ABR: variants seen among roughly 807,000 people sequenced by gnomAD.
ABR encodes active breakpoint cluster region-related protein.
ABR carries 35 observed loss-of-function variants against 107.2 expected under a neutral mutation model. That is an observed-to-expected ratio of 0.33 (90% CI 0.25 to 0.43). The LOEUF is 0.43. Among genes scored for constraint, ABR ranks in the 20% least tolerant of loss-of-function variants. The probability of loss-of-function intolerance (pLI) is 1.00; values close to 1 mark genes in which losing one functional copy is unlikely to be tolerated. For missense variants in ABR, 815 were observed against 1,115.2 expected, an observed-to-expected ratio of 0.73 and a Z score of 3.83; for synonymous variants, 498 against 462.0, an observed-to-expected ratio of 1.08 and a Z score of -1.00.
upstream of ABR, among the ~76,000 whole-genome samples, chr17:1,183,795 A>C (rs2042209397): frequency 6.6e-6 from 1 of 152,154 alleles, no homozygotes; most frequent in Admixed American, 6.6e-5. Flanking sequence ...GCAGAGGCTG[A>C]ATACACAGTG....
At chr17:1,174,254 T>C (rs923957836) in intron 1 of ABR, among the ~76,000 whole-genome samples, 1 of 152,166 alleles carries the variant, frequency 6.6e-6, no homozygotes, top group African/African-American at 2.4e-5. Flanking sequence ...GCCCCACCTC[T>C]GAGACTCCAG....
In ABR at chr17:1,031,533, AGCC is replaced by A. The variant is rs1242498689; in HGVS notation, c.1792-18372_1792-18370del. ...CCCCATCAGCCCCCGCAGCCCCCGC[AGCC>A]CCCCGAGCCCCGCAGCGCCCCCGAG... On this transcript the variant is annotated intron_variant, in intron 16 of 22. Coordinates refer to ENST00000302538, the MANE Select transcript of ABR (RefSeq NM_021962.5). 63 of 93,648 alleles carry A rather than the reference AGCC, an allele frequency of 6.7e-4. 2 individuals are homozygous for A. The highest frequency in any genetic ancestry group is 1.3e-3 in the Non-Finnish European group (60 of 46,720). 5.8% of individuals were successfully genotyped at this position (93,648 alleles called of 1,614,324 possible). A position where few individuals can be genotyped will look rare whatever the true frequency, so the allele number is the denominator to read the frequency against.
At chr17:1,009,989 G>A in intron 20 of ABR, 1 of 600,860 alleles carries the variant, frequency 1.7e-6, no homozygotes. Flanking sequence ...TGGTAACTCA[G>A]CCAGGAGGCC....
intron 4 of ABR, among the ~76,000 whole-genome samples, chr17:1,086,483 A>G (rs1284679386): frequency 6.6e-6 from 1 of 151,846 alleles, no homozygotes; most frequent in African/African-American, 2.4e-5. Flanking sequence ...AAAATATGAT[A>G]TATGTGTATA....
chr17:1,206,794 C>T (rs940245353), intron 1 of ABR, among the ~76,000 whole-genome samples: 1 of 152,014 alleles, frequency 6.6e-6, no homozygotes, highest in African/African-American at 2.4e-5. Context: ...CAAAAACATA[C>T]AAAAATTAGG....
chr17:1,055,773 C>T (rs935082079), intron 14 of ABR: 10 of 418,358 alleles, frequency 2.4e-5, no homozygotes, highest in Middle Eastern at 6.6e-4. Flanking sequence ...GTGATCCGCC[C>T]GCCTGGGCCT....
At chr17:1,175,617 C>A (rs1656523425) in intron 1 of ABR, among the ~76,000 whole-genome samples, 1 of 152,180 alleles carries the variant, frequency 6.6e-6, no homozygotes. Flanking sequence ...CAGCTGGGAT[C>A]CAACTCTTCT....
At chr17:1,152,822 G>A (rs35177670) in intron 1 of ABR, among the ~76,000 whole-genome samples, 6 of 152,080 alleles carry the variant, frequency 3.9e-5, no homozygotes, top group African/African-American at 9.7e-5. Flanking sequence ...GGCCGGGCGC[G>A]GTGGGTCATG....
rs115563494 is a variant in ABR at position 1,054,232 on chromosome 17, A to G, written c.1561+1803T>C. 5.3e-3 allele frequency among the ~76,000 whole-genome samples: 810 copies of G among 152,324 alleles called. 7 individuals are homozygous for G. Among genetic ancestry groups the G allele is most frequent in the African/African-American group, 0.018 (766 of 41,584 alleles). Reference sequence around the variant, plus strand: ...TCTGAACACGCCACAGGCTTTGCACATGTGAGTACGTCCACACGCCAGCCA... The same window carrying G: ...TCTGAACACGCCACAGGCTTTGCACGTGTGAGTACGTCCACACGCCAGCCA... On this transcript the variant is annotated intron_variant, in intron 14 of 22. Transcript: ENST00000302538.
chr17:1,108,933 C>T, intron 2 of ABR: 2 of 1,591,726 alleles, frequency 1.3e-6, no homozygotes, highest in Non-Finnish European at 1.7e-6. Flanking sequence ...CACGCTCCCA[C>T]CTTCACAGCC....
chr17:1,099,771 A>T (rs1197470650), intron 3 of ABR, among the ~76,000 whole-genome samples: 1 of 152,132 alleles, frequency 6.6e-6, no homozygotes, highest in Non-Finnish European at 1.5e-5. Context: ...TGGGAGGGGA[A>T]CTGAGGCATG....
intron 1 of ABR, among the ~76,000 whole-genome samples, chr17:1,219,061 G>T (rs1479481342): frequency 6.6e-6 from 1 of 150,684 alleles, no homozygotes; most frequent in Non-Finnish European, 1.5e-5. Flanking sequence ...TTGTTTGTTT[G>T]TAACAGAGTC....
chr17:1,068,557 G>A (rs1050838109), intron 9 of ABR, among the ~76,000 whole-genome samples: 1 of 152,246 alleles, frequency 6.6e-6, no homozygotes. Flanking sequence ...GCCGTGAGAA[G>A]GGGTGTGCTT....
At chr17:1,038,153 G>A (rs1055096531) in intron 16 of ABR, among the ~76,000 whole-genome samples, 14 of 152,076 alleles carry the variant, frequency 9.2e-5, no homozygotes, top group African/African-American at 2.2e-4. Context: ...GTCCCTCCCC[G>A]GAATTCCCAC....
intron 2 of ABR, among the ~76,000 whole-genome samples, chr17:1,120,111 A>T (rs1378987823): frequency 6.6e-6 from 1 of 152,040 alleles, no homozygotes; most frequent in Non-Finnish European, 1.5e-5. Flanking sequence ...CGCACCTGTA[A>T]TGTGGAGATG....
intron 6 of ABR, chr17:1,079,097 T>C (rs1458901457): frequency 7.0e-7 from 1 of 1,435,220 alleles, no homozygotes; most frequent in Admixed American, 2.8e-5. Flanking sequence ...CCTGCTGGCA[T>C]CCTAAAGAGG....
intron 6 of ABR, 49 bp downstream of exon 6, chr17:1,079,281 C>T: frequency 6.3e-7 from 1 of 1,595,888 alleles, no homozygotes; most frequent in African/African-American, 1.3e-5. Flanking sequence ...GTTGCCTGCA[C>T]AGCCAGACAA....
intron 3 of ABR, among the ~76,000 whole-genome samples, chr17:1,098,075 C>CT (rs71372509): frequency 1.6e-3 from 221 of 140,620 alleles, no homozygotes; most frequent in Middle Eastern, 3.8e-3. Context: ...GTTTTCTTTT[C>CT]TTTTTTTTTT....
chr17:1,057,657 A>ATGTGTGTG (rs796583275), intron 12 of ABR, among the ~76,000 whole-genome samples: 55 of 37,440 alleles, frequency 1.5e-3, no homozygotes, highest in African/African-American at 4.9e-3. Flanking sequence ...GTATGTGTGT[A>ATGTGTGTG]TGTGTGTGTG....
Sources: gnomAD v4.1 joint callset for allele counts (sites outside exome capture counted in the v4.1 genomes callset) on GRCh38, gnomAD v4.1.1 for gene constraint, MANE v1.5 for transcripts, NCBI Gene and HGNC (gene_info 2026-07-23, HGNC 2026-07-21) for gene names.